Variants in SS18L1 observed in about 807,000 individuals in gnomAD.
SS18L1 encodes SS18L1 subunit of BAF chromatin remodeling complex, also known as calcium-responsive transactivator.
SS18L1 carries 32 observed loss-of-function variants against 70.3 expected under a neutral mutation model. That is an observed-to-expected ratio of 0.46 (90% CI 0.34 to 0.61). The LOEUF (loss-of-function observed/expected upper bound fraction) is 0.61. SS18L1 is among the 20% of genes least tolerant of loss of function. The probability of loss-of-function intolerance (pLI) is 0.01; values close to 1 mark genes in which losing one functional copy is unlikely to be tolerated. For missense variants in SS18L1, 430 were observed against 542.1 expected, an observed-to-expected ratio of 0.79 and a Z score of 2.05; for synonymous variants, 237 against 229.7, an observed-to-expected ratio of 1.03 and a Z score of -0.29.
Position 62,161,650 on chromosome 20 carries a change from G to A in SS18L1, c.376+70G>A, listed in dbSNP as rs1303042877. 2.2e-5 allele frequency: 34 copies of A among 1,545,706 alleles called. No homozygotes were observed. Among genetic ancestry groups the A allele is most frequent in the Non-Finnish European group, 2.9e-5 (33 of 1,141,634 alleles). On this transcript the variant is annotated intron_variant, in intron 4 of 10. Transcript: ENST00000331758. The surrounding 1 kb of genome is among the most constrained non-coding windows in gnomAD (Gnocchi z 4.4). ...CAAGGCAGCCCTTGGGCAGCCGGCT[G>A]CCATGGTGGGGCACCCCACCCCTCA... is the stretch of plus-strand genomic sequence containing the variant.
rs1264871600 is a variant in SS18L1 at position 62,180,438 on chromosome 20, G to GAATTTA, written c.*1230_*1231insAATTTA. The GAATTTA allele has an allele frequency of 5.5e-6, 1 of 183,256 alleles. No homozygotes were observed. Among genetic ancestry groups the GAATTTA allele is most frequent in the East Asian group, 8.9e-5 (1 of 11,290 alleles). 11.4% of individuals were successfully genotyped at this position (183,256 alleles called of 1,614,324 possible). A position where few individuals can be genotyped will look rare whatever the true frequency, so the allele number is the denominator to read the frequency against. ...ATGGACATTTGATCAACCTTTAGTT[G>GAATTTA]GAATAATAATATTCATATTTGCTAT... On this transcript the variant is annotated 3_prime_UTR_variant, in exon 11 of 11. Coordinates refer to ENST00000331758, the MANE Select transcript of SS18L1 (RefSeq NM_198935.3).
chr20:62,167,194 G>A (rs192947729), intron 8 of SS18L1, among the ~76,000 whole-genome samples: 28 of 150,336 alleles, frequency 1.9e-4, no homozygotes, highest in African/African-American at 6.1e-4. Flanking sequence ...TACAGGCCCC[G>A]CCACCACACC....
intron 1 of SS18L1, among the ~76,000 whole-genome samples, chr20:62,157,142 C>T (rs1030189055): frequency 3.9e-5 from 6 of 152,192 alleles, no homozygotes; most frequent in Admixed American, 1.3e-4. Flanking sequence ...TGCCTGCTCC[C>T]CACGGCCTGT....
intron 3 of SS18L1, among the ~76,000 whole-genome samples, chr20:62,160,874 C>T (rs978647466): frequency 1.3e-5 from 2 of 152,106 alleles, no homozygotes; most frequent in African/African-American, 4.8e-5. Flanking sequence ...GTGTGCAGAC[C>T]TCCAGAGCTG....
intron 7 of SS18L1, 112 bp downstream of exon 7, chr20:62,164,358 C>A: frequency 9.0e-7 from 1 of 1,112,386 alleles, no homozygotes; most frequent in Non-Finnish European, 1.3e-6. Flanking sequence ...CTCAGTCATT[C>A]CAGCTCAGGC....
rs990751748 is a variant in SS18L1 at position 62,174,924 on chromosome 20, T to G, written c.1164+280T>G. Reference sequence around the variant, plus strand: ...CACTCTGCCAGTGTTTGTCACGTACTGGGTACGCGTCCGGTCTCTGCTGAG... The same window carrying G: ...CACTCTGCCAGTGTTTGTCACGTACGGGGTACGCGTCCGGTCTCTGCTGAG... On this transcript the variant is annotated intron_variant, in intron 10 of 10. Coordinates refer to ENST00000331758, the MANE Select transcript of SS18L1 (RefSeq NM_198935.3). This position sits in a 1 kb window ranked among gnomAD's most constrained non-coding sequence, Gnocchi z 4.1. The G allele has an allele frequency of 3.0e-6, 3 of 984,396 alleles. No homozygotes were observed. In the African/African-American group the frequency reaches 5.2e-5, roughly 17 times the overall value. 61.0% of individuals were successfully genotyped at this position (984,396 alleles called of 1,614,324 possible). A position where few individuals can be genotyped will look rare whatever the true frequency, so the allele number is the denominator to read the frequency against.
At chr20:62,166,584 T>G (rs1485601369) in intron 8 of SS18L1, among the ~76,000 whole-genome samples, 2 of 151,960 alleles carry the variant, frequency 1.3e-5, no homozygotes, top group Non-Finnish European at 2.9e-5. Flanking sequence ...TACACCTTTG[T>G]AAACCTGGGG....
At chr20:62,165,365 C>T (rs1211841822) in intron 7 of SS18L1, 57 bp from the exon 8 acceptor site, 47 of 1,540,540 alleles carry the variant, frequency 3.1e-5, no homozygotes, top group Non-Finnish European at 3.7e-5. Context: ...GTTGCCTCCT[C>T]CGGGACCTGT....
intron 8 of SS18L1, among the ~76,000 whole-genome samples, chr20:62,169,767 G>A (rs575028736): frequency 6.6e-6 from 1 of 150,666 alleles, no homozygotes; most frequent in Admixed American, 6.6e-5. Flanking sequence ...GCGGCAAAGC[G>A]AGACTCCATC....
rs2057292772 is a variant in SS18L1, at chr20:62,159,862, C to T, written c.147-15C>T. ...GTCCCGTCGTCCTGCCTCATGCGTGCCCCCTCTCCTGCAGGTACCAGCAGA... is the reference window on the plus strand; with the variant it reads ...GTCCCGTCGTCCTGCCTCATGCGTGTCCCCTCTCCTGCAGGTACCAGCAGA... On this transcript the variant is annotated splice_polypyrimidine_tract_variant and intron_variant, in intron 2 of 10. Coordinates refer to ENST00000331758, the MANE Select transcript of SS18L1 (RefSeq NM_198935.3). The surrounding 1 kb of genome is among the most constrained non-coding windows in gnomAD (Gnocchi z 4.4). 1 of 1,610,962 alleles carries T rather than the reference C, an allele frequency of 6.2e-7. No individual in the cohort carries two copies.
intron 1 of SS18L1, among the ~76,000 whole-genome samples, chr20:62,150,592 A>G (rs940808780): frequency 8.9e-5 from 12 of 134,308 alleles, no homozygotes; most frequent in Non-Finnish European, 1.6e-4. Flanking sequence ...CGTTGTGTCC[A>G]TGTTGTGGAA....
intron 1 of SS18L1, among the ~76,000 whole-genome samples, chr20:62,146,699 C>T (rs1568733392): frequency 6.6e-6 from 1 of 151,220 alleles, no homozygotes; most frequent in Non-Finnish European, 1.5e-5. Context: ...CCTCCGCGCC[C>T]CCGCCCACGT....
rs7264519 is a variant in SS18L1 at position 62,174,253 on chromosome 20, C to G, written c.1037-264C>G. On this transcript the variant is annotated intron_variant, in intron 9 of 10. Coordinates refer to ENST00000331758, the MANE Select transcript of SS18L1 (RefSeq NM_198935.3). The surrounding 1 kb of genome is among the most constrained non-coding windows in gnomAD (Gnocchi z 4.1). ...AGAGAGCCCATCAGCCCTCGCCATG[C>G]TGGTGGGGGGCCTGGGGCACAGTCC... Among the ~76,000 whole-genome samples, 6,685 of 151,862 alleles carry G rather than the reference C, an allele frequency of 0.044. 465 individuals are homozygous for G. Among genetic ancestry groups the G allele is most frequent in the African/African-American group, 0.15 (6,225 of 41,344 alleles).
In SS18L1 at chr20:62,163,501, G is replaced by T. The variant is rs201203283; in HGVS notation, c.600G>T (p.Ser200=). The change falls in exon 6 of 11, where the codon TCG becomes TCT. Residue 200 remains serine (S), a synonymous_variant. Coordinates refer to ENST00000331758, the MANE Select transcript of SS18L1 (RefSeq NM_198935.3). The stretch of plus-strand genomic sequence containing the variant: ...AGGCGGCCACGTCGCACTACAGCTC[G>T]GCGCAGGGCGGCAGCCAGCACTACC... ...QQQAATSHYS[S]AQGGSQHYQG... The T allele has an allele frequency of 1.4e-5, 22 of 1,612,074 alleles. No homozygotes were observed. In the East Asian group the frequency reaches 4.9e-4, roughly 36 times the overall value.
intron 8 of SS18L1, 74 bp from the exon 9 acceptor site, chr20:62,172,608 C>CGT: frequency 1.2e-6 from 2 of 1,604,410 alleles, no homozygotes; most frequent in Non-Finnish European, 1.7e-6. Flanking sequence ...GTTACCGTGT[C>CGT]GTGAGTGGGC....
In SS18L1 at chr20:62,161,800, C is replaced by G. The variant is rs145586934; in HGVS notation, c.376+220C>G. Reference sequence around the variant, plus strand: ...AGCCCCTGCTCCAGTTGTCCACTCTCTCTGACACTGTCACGTTCCATCAAA... The same window carrying G: ...AGCCCCTGCTCCAGTTGTCCACTCTGTCTGACACTGTCACGTTCCATCAAA... On this transcript the variant is annotated intron_variant, in intron 4 of 10. Coordinates refer to ENST00000331758, the MANE Select transcript of SS18L1 (RefSeq NM_198935.3). This position sits in a 1 kb window ranked among gnomAD's most constrained non-coding sequence, Gnocchi z 4.4. Among the ~76,000 whole-genome samples, 68 of 152,386 alleles carry G rather than the reference C, an allele frequency of 4.5e-4. No individual in the cohort carries two copies. The highest frequency in any genetic ancestry group is 7.9e-4 in the Non-Finnish European group (54 of 68,044).
At chr20:62,170,711 T>C (rs556705747) in intron 8 of SS18L1, among the ~76,000 whole-genome samples, 3 of 152,296 alleles carry the variant, frequency 2.0e-5, no homozygotes, top group Admixed American at 6.5e-5. Context: ...CCCCCTTTCT[T>C]TGGGGATAGG....
intron 10 of SS18L1, among the ~76,000 whole-genome samples, chr20:62,175,846 G>A (rs541055729): frequency 1.3e-5 from 2 of 152,350 alleles, no homozygotes; most frequent in South Asian, 2.1e-4. Flanking sequence ...CACCGTACTC[G>A]GCCATGCCTG....
In SS18L1 at chr20:62,162,737, T is replaced by C; in HGVS notation, c.377-15T>C. 6.3e-7 allele frequency: 1 copy of C among 1,597,760 alleles called. No individual in the cohort carries two copies. Among genetic ancestry groups the C allele is most frequent in the African/African-American group, 1.3e-5 (1 of 74,730 alleles). ...CTCCCCAGTGCCTGACACCACTCCC[T>C]GCTCCCCATGCCAGGGCCGAGCCAC... On this transcript the variant is annotated splice_polypyrimidine_tract_variant and intron_variant, in intron 4 of 10. Transcript: ENST00000331758.
Sources: gnomAD v4.1 joint callset for allele counts (sites outside exome capture counted in the v4.1 genomes callset) on GRCh38, gnomAD v4.1.1 for gene constraint, Gnocchi (gnomAD v3.1) non-coding constraint, MANE v1.5 for transcripts, NCBI Gene and HGNC (gene_info 2026-07-23, HGNC 2026-07-21) for gene names.